Variants in CSMD3 observed in about 807,000 individuals in gnomAD.
CSMD3 encodes CUB and Sushi multiple domains 3.
In CSMD3, 177 loss-of-function variants were observed where a neutral mutation model predicts 435.2. The observed-to-expected ratio is 0.41, with a 90% confidence interval of 0.36 to 0.46. The LOEUF (loss-of-function observed/expected upper bound fraction) is 0.46, where lower values mean the gene tolerates loss of function less well. CSMD3 is among the 20% of genes least tolerant of loss of function. The pLI is 0.34. For synonymous variants in CSMD3, 1,656 were observed against 1,520.5 expected, an observed-to-expected ratio of 1.09 and a Z score of -2.07; for missense variants, 4,265 against 4,504.6, an observed-to-expected ratio of 0.95 and a Z score of 1.52.
In CSMD3 at chr8:113,436,874, T is replaced by C. The variant is rs200031799; in HGVS notation, c.-20A>G. Reference sequence around the variant, plus strand: ...TTTCATATTATTCGCGAGCTCCTAATTCCTGCTCCTCAGCCCGGCGCAGTG... The same window carrying C: ...TTTCATATTATTCGCGAGCTCCTAACTCCTGCTCCTCAGCCCGGCGCAGTG... On this transcript the variant is annotated 5_prime_UTR_variant, in exon 1 of 71. Transcript: ENST00000297405. The C allele has an allele frequency of 6.2e-7, 1 of 1,613,026 alleles. No individual in the cohort carries two copies. Among genetic ancestry groups the C allele is most frequent in the Non-Finnish European group, 8.5e-7 (1 of 1,179,668 alleles).
At chr8:113,363,874 T>C (rs946032670) in intron 1 of CSMD3, among the ~76,000 whole-genome samples, 1 of 152,216 alleles carries the variant, frequency 6.6e-6, no homozygotes, top group Non-Finnish European at 1.5e-5. Flanking sequence ...TTAATTTTAA[T>C]AATGTCTAAC....
intron 13 of CSMD3, among the ~76,000 whole-genome samples, chr8:112,741,826 T>TAGATAGATAGATA (rs2077317951): frequency 6.7e-6 from 1 of 148,858 alleles, no homozygotes; most frequent in Non-Finnish European, 1.5e-5. Flanking sequence ...GATAGATAGA[T>TAGATAGATAGATA]AACACAAAAA....
chr8:112,903,472 T>A (rs565132067), intron 10 of CSMD3, among the ~76,000 whole-genome samples: 1 of 151,348 alleles, frequency 6.6e-6, no homozygotes, highest in African/African-American at 2.4e-5. Flanking sequence ...GACACACTAA[T>A]TTCATGGTGG....
rs1298674420 is a variant in CSMD3, at chr8:112,573,606, C to T, written c.3937G>A (p.Ala1313Thr). 3 of 1,613,014 alleles carry T rather than the reference C, an allele frequency of 1.9e-6. No individual in the cohort carries two copies. The Admixed American group carries it at 5.0e-5, about 27-fold the overall frequency. Residue 1313 changes from alanine (A) to threonine (T), a missense_variant, in exon 24 of 71, where the codon GCA becomes ACA. This residue lies in a region of CSMD3 where 3,255 missense variants were observed against 3,380.2 expected (regional missense o/e 0.96). Transcript: ENST00000297405. ...CTAAGTGTCAGTCCGCGCATAGATG[C>T]ACCAGTAAAAGCACCTAGTAGATGA... ...TTHLLGAFTG[A>T]SMRGLTLSST...
At chr8:113,156,748 A>ATAAATAAT (rs1554792365) in intron 4 of CSMD3, among the ~76,000 whole-genome samples, 9 of 147,348 alleles carry the variant, frequency 6.1e-5, no homozygotes, top group Admixed American at 2.7e-4. Context: ...AAATAAATAA[A>ATAAATAAT]TAAATAAATA....
chr8:112,837,963 TC>T (rs1397153827), intron 11 of CSMD3, among the ~76,000 whole-genome samples: 2 of 151,784 alleles, frequency 1.3e-5, no homozygotes, highest in East Asian at 3.9e-4. Flanking sequence ...AGCACTTCTT[TC>T]TTCATATACA....
chr8:112,544,354 T>C (rs1826960385), intron 27 of CSMD3, among the ~76,000 whole-genome samples: 1 of 152,160 alleles, frequency 6.6e-6, no homozygotes, highest in Non-Finnish European at 1.5e-5. Context: ...AATGCATTAT[T>C]ATGGCTTCAA....
At chr8:112,858,694 A>G (rs1160885819) in intron 11 of CSMD3, among the ~76,000 whole-genome samples, 1 of 151,900 alleles carries the variant, frequency 6.6e-6, no homozygotes, top group Non-Finnish European at 1.5e-5. Context: ...TAAATTCTTT[A>G]TTAGTGCAGA....
intron 22 of CSMD3, among the ~76,000 whole-genome samples, chr8:112,617,243 A>G (rs1833729732): frequency 6.6e-6 from 1 of 152,166 alleles, no homozygotes; most frequent in South Asian, 2.1e-4. Flanking sequence ...TTAAATGCAA[A>G]CCTGATCTTC....
intron 1 of CSMD3, among the ~76,000 whole-genome samples, chr8:113,353,041 T>G (rs960605033): frequency 7.9e-5 from 12 of 152,256 alleles, no homozygotes; most frequent in Middle Eastern, 3.4e-3. Context: ...AATAGGCTTT[T>G]GAACTGTTGA....
intron 54 of CSMD3, among the ~76,000 whole-genome samples, chr8:112,293,047 A>G (rs531401953): frequency 3.3e-5 from 5 of 152,116 alleles, no homozygotes; most frequent in Non-Finnish European, 7.4e-5. Context: ...ATTGAAATGC[A>G]AAGAAATCTG....
intron 6 of CSMD3, among the ~76,000 whole-genome samples, chr8:112,996,741 A>G (rs566810178): frequency 2.3e-4 from 35 of 151,778 alleles, no homozygotes; most frequent in African/African-American, 8.2e-4. Context: ...GTTTTTAAAA[A>G]TGACAGATTG....
intron 3 of CSMD3, among the ~76,000 whole-genome samples, chr8:113,246,535 T>A (rs1276380512): frequency 6.6e-6 from 1 of 152,172 alleles, no homozygotes; most frequent in Non-Finnish European, 1.5e-5. Flanking sequence ...TATTTAAAAC[T>A]TATTTAAAGT....
intron 59 of CSMD3, among the ~76,000 whole-genome samples, chr8:112,280,186 C>T (rs1056864882): frequency 2.9e-4 from 44 of 152,200 alleles, no homozygotes; most frequent in African/African-American, 1.0e-3. Flanking sequence ...TACAAAAGGC[C>T]CTCCCACTAG....
At chr8:112,333,111 T>C (rs1050230742) in intron 45 of CSMD3, among the ~76,000 whole-genome samples, 1 of 152,204 alleles carries the variant, frequency 6.6e-6, no homozygotes, top group Non-Finnish European at 1.5e-5. Flanking sequence ...TTGTCCAAGG[T>C]CAAATAGAAA....
chr8:112,255,470 A>T (rs749062536), intron 61 of CSMD3, 43 bp from the exon 62 acceptor site: 5 of 1,556,084 alleles, frequency 3.2e-6, no homozygotes, highest in Non-Finnish European at 4.4e-6. Flanking sequence ...GATTTAGTAT[A>T]CAGCAGAGTA....
At chr8:112,833,311 A>G (rs1216232317) in intron 11 of CSMD3, among the ~76,000 whole-genome samples, 2 of 151,850 alleles carry the variant, frequency 1.3e-5, no homozygotes, top group Non-Finnish European at 2.9e-5. Flanking sequence ...ATTTATTTGG[A>G]TCTCTAAATA....
chr8:113,282,366 A>G (rs1438177725), intron 2 of CSMD3, among the ~76,000 whole-genome samples: 3 of 152,076 alleles, frequency 2.0e-5, no homozygotes, highest in Admixed American at 6.6e-5. Context: ...CTGATAAAAG[A>G]ATTCAGCAAA....
intron 1 of CSMD3, among the ~76,000 whole-genome samples, chr8:113,350,197 C>T (rs2094180713): frequency 6.6e-6 from 1 of 151,882 alleles, no homozygotes. Flanking sequence ...GGAGAAGATC[C>T]ACCCAGCTAA....
Sources: gnomAD v4.1 joint callset for allele counts (sites outside exome capture counted in the v4.1 genomes callset) on GRCh38, gnomAD v4.1.1 for gene constraint, gnomAD v4.1.1 regional missense constraint, MANE v1.5 for transcripts, NCBI Gene and HGNC (gene_info 2026-07-23, HGNC 2026-07-21) for gene names.